FARSB: variants seen among roughly 807,000 people sequenced by gnomAD.
The protein encoded by FARSB is phenylalanyl-tRNA synthetase subunit beta.
FARSB carries 40 observed loss-of-function variants against 69.6 expected under a neutral mutation model. The ratio of observed to expected loss-of-function variants is 0.57; its 90% CI spans 0.45 to 0.75. FARSB has a LOEUF of 0.75. FARSB is among the 30% of genes least tolerant of loss of function. The pLI is 0.00. For missense variants in FARSB, 632 were observed against 722.9 expected (o/e 0.87, Z 1.44); for synonymous variants, 235 against 247.2 (o/e 0.95, Z 0.46).
At chr2:222,635,096 AT>A (rs1226266763) in intron 5 of FARSB, among the ~76,000 whole-genome samples, 4 of 152,236 alleles carry the variant, frequency 2.6e-5, no homozygotes, top group African/African-American at 9.6e-5. Flanking sequence ...AAAGGTATTC[AT>A]TTCACTTGTT....
intron 9 of FARSB, among the ~76,000 whole-genome samples, chr2:222,629,206 T>A (rs898737288): frequency 6.6e-6 from 1 of 152,080 alleles, no homozygotes; most frequent in African/African-American, 2.4e-5. Flanking sequence ...GGCAGTGTGT[T>A]ACATAATAAA....
At position 222,571,139 on chromosome 2, in the gene FARSB, A is replaced by G. The variant is rs928918870; in HGVS notation, c.*732T>C. The stretch of plus-strand genomic sequence containing the variant: ...ACAGTAACATGTATGGCCTATGGCA[A>G]AAATAAGCTTCTCATTGTTTCCTAA... On this transcript the variant is annotated 3_prime_UTR_variant, in exon 17 of 17. Transcript: ENST00000281828. 6.6e-6 allele frequency: 1 copy of G among 152,230 alleles called. No homozygotes were observed. The highest frequency in any genetic ancestry group is 1.5e-5 in the Non-Finnish European group (1 of 68,042). The allele number at this position is 152,230 out of a possible 1,614,324, so 9.4% of individuals were successfully genotyped here.
At position 222,652,861 on chromosome 2, in the gene FARSB, T is replaced by C. The variant is rs991302631; in HGVS notation, c.58+3155A>G. On this transcript the variant is annotated intron_variant, in intron 1 of 16. Transcript: ENST00000281828. ...TTTGGGATAATTTAGTATGCAGTAA[T>C]AGATAACTAAGTGGTACAGAACTAT... is the stretch of plus-strand genomic sequence containing the variant. Among the ~76,000 whole-genome samples, 3 of 152,338 alleles carry C rather than the reference T, an allele frequency of 2.0e-5. No individual in the cohort carries two copies. The East Asian group carries it at 5.8e-4, about 29-fold the overall frequency.
rs1214748937 is a variant in FARSB at position 222,571,881 on chromosome 2, G to A, written c.1760C>T (p.Pro587Leu). ...PCSSLEINVGPFL is the reference protein window; with the variant it reads ...PCSSLEINVGLFL Reference sequence around the variant, plus strand: ...CACAGAGACCAATCTTCACAAAAAGGGTCCAACATTGATTTCTAGGGAGGA... The same window carrying A: ...CACAGAGACCAATCTTCACAAAAAGAGTCCAACATTGATTTCTAGGGAGGA... Residue 587 changes from proline (P) to leucine (L), a missense_variant, in exon 17 of 17, where the codon CCC becomes CTC. Coordinates refer to ENST00000281828, the MANE Select transcript of FARSB (RefSeq NM_005687.5). The A allele has an allele frequency of 6.2e-7, 1 of 1,612,432 alleles. No individual in the cohort carries two copies. The highest frequency in any genetic ancestry group is 8.5e-7 in the Non-Finnish European group (1 of 1,179,358).
chr2:222,615,854 T>C (rs1366076530), intron 14 of FARSB, among the ~76,000 whole-genome samples: 1 of 152,332 alleles, frequency 6.6e-6, no homozygotes, highest in Middle Eastern at 3.4e-3. Context: ...ATTTTCCCCA[T>C]TGGAGGGCAA....
rs1201977683 is a variant in FARSB at position 222,616,973 on chromosome 2, G to A, written c.1344+2672C>T. Among the ~76,000 whole-genome samples, 4 of 149,300 alleles carry A rather than the reference G, an allele frequency of 2.7e-5. No homozygotes were observed. The East Asian group carries it at 8.0e-4, about 30-fold the overall frequency. On this transcript the variant is annotated intron_variant, in intron 14 of 16. Transcript: ENST00000281828. ...TTTGATCTTTAAGGTACTTTATGCA[G>A]AAAGATTGATTCTTTTTTTTTTTTT...
intron 16 of FARSB, among the ~76,000 whole-genome samples, chr2:222,597,338 T>G (rs1190217821): frequency 6.6e-6 from 1 of 152,072 alleles, no homozygotes; most frequent in Non-Finnish European, 1.5e-5. Context: ...TAAATATTCA[T>G]GCTAAATCAA....
chr2:222,638,380 T>A (rs1691637973), intron 5 of FARSB, among the ~76,000 whole-genome samples: 1 of 152,224 alleles, frequency 6.6e-6, no homozygotes, highest in African/African-American at 2.4e-5. Flanking sequence ...TAAAATAACT[T>A]CTTAAAATAA....
At chr2:222,655,973 C>T (rs1225975761) in intron 1 of FARSB, 43 bp downstream of exon 1, 2 of 1,503,152 alleles carry the variant, frequency 1.3e-6, no homozygotes. Flanking sequence ...GGCCCTGCCT[C>T]CGAGAAGAGG....
At chr2:222,606,900 A>G (rs1393675639) in intron 15 of FARSB, among the ~76,000 whole-genome samples, 3 of 152,356 alleles carry the variant, frequency 2.0e-5, no homozygotes, top group African/African-American at 7.2e-5. Flanking sequence ...TGCTAGGAGA[A>G]AACCTATTGG....
intron 5 of FARSB, 149 bp downstream of exon 5, chr2:222,639,430 TA>T (rs1691660234): frequency 2.2e-6 from 1 of 458,626 alleles, no homozygotes; most frequent in African/African-American, 2.0e-5. Flanking sequence ...AAATGATTTG[TA>T]AAAAATCTGC....
rs1689723576 is a variant in FARSB at position 222,571,837 on chromosome 2, C to T, written c.*34G>A. 1.3e-6 allele frequency: 2 copies of T among 1,586,248 alleles called. No individual in the cohort carries two copies. Among genetic ancestry groups the T allele is most frequent in the African/African-American group, 1.4e-5 (1 of 73,662 alleles). On this transcript the variant is annotated 3_prime_UTR_variant, in exon 17 of 17. Coordinates refer to ENST00000281828, the MANE Select transcript of FARSB (RefSeq NM_005687.5). ...GACACTAGGGGAGGAGAAAGGGACA[C>T]CTGGGAAGAGAATCACACCACAGAG...
At chr2:222,589,449 A>G (rs1331710556) in intron 16 of FARSB, among the ~76,000 whole-genome samples, 1 of 152,146 alleles carries the variant, frequency 6.6e-6, no homozygotes. Context: ...GGACATAGGC[A>G]TGGGCAAGGA....
intron 10 of FARSB, among the ~76,000 whole-genome samples, chr2:222,628,292 G>C (rs989027558): frequency 6.6e-6 from 1 of 152,056 alleles, no homozygotes; most frequent in African/African-American, 2.4e-5. Context: ...AAATATAGAG[G>C]AGCAGACTAC....
At chr2:222,619,031 A>G in intron 14 of FARSB, among the ~76,000 whole-genome samples, 1 of 151,260 alleles carries the variant, frequency 6.6e-6, no homozygotes, top group Non-Finnish European at 1.5e-5. Context: ...AGTCCCAGCT[A>G]CTTGGGAGGC....
In FARSB at chr2:222,623,732, TG is replaced by T; in HGVS notation, c.1171-3del. The T allele has an allele frequency of 6.3e-7, 1 of 1,590,938 alleles. No homozygotes were observed. The highest frequency in any genetic ancestry group is 8.6e-7 in the Non-Finnish European group (1 of 1,165,398). On this transcript the variant is annotated splice_polypyrimidine_tract_variant and splice_region_variant and intron_variant, in intron 12 of 16. Coordinates refer to ENST00000281828, the MANE Select transcript of FARSB (RefSeq NM_005687.5). Reference sequence around the variant, plus strand: ...TTCAGTGAGCTTATTAAGAGGAAACTGAAAAAAAAAGCATCCACTTGATTTC... The same window carrying T: ...TTCAGTGAGCTTATTAAGAGGAAACTAAAAAAAAAGCATCCACTTGATTTC...
intron 6 of FARSB, 30 bp from the exon 7 acceptor site, chr2:222,633,337 G>T (rs776382775): frequency 1.7e-5 from 15 of 883,302 alleles, no homozygotes; most frequent in Middle Eastern, 2.4e-4. Flanking sequence ...AATAAAATTA[G>T]TTTTTTTTTT....
intron 2 of FARSB, among the ~76,000 whole-genome samples, chr2:222,648,081 G>GC (rs1217134515): frequency 6.6e-6 from 1 of 152,048 alleles, no homozygotes; most frequent in Non-Finnish European, 1.5e-5. Context: ...GACCCATCAA[G>GC]CCCCCGCGAG....
intron 15 of FARSB, among the ~76,000 whole-genome samples, chr2:222,604,756 A>G (rs1423302448): frequency 1.7e-5 from 2 of 118,754 alleles, no homozygotes; most frequent in African/African-American, 6.1e-5. Context: ...TATTTTCAGT[A>G]GAGACAGGGT....
Sources: allele counts gnomAD v4.1 joint callset (sites outside exome capture counted in the v4.1 genomes callset), GRCh38; gene constraint gnomAD v4.1.1; transcripts MANE v1.5; gene names NCBI Gene and HGNC (gene_info 2026-07-23, HGNC 2026-07-21).